Variants in BNC2 observed in about 807,000 individuals in gnomAD.
BNC2 encodes the protein zinc finger protein basonuclin-2.
In BNC2, 20 loss-of-function variants were observed where a neutral mutation model predicts 76.3. The ratio of observed to expected loss-of-function variants is 0.26; its 90% CI spans 0.18 to 0.38. The LOEUF is 0.38. Ranked by LOEUF, BNC2 falls within the 10% of genes least tolerant of loss-of-function variation. The pLI is 1.00. For synonymous variants in BNC2, 582 were observed against 514.8 expected (o/e 1.13, Z -1.77); for missense variants, 1,382 against 1,399.8 (o/e 0.99, Z 0.20).
At chr9:16,543,963 A>AG (rs1040239888) in intron 5 of BNC2, among the ~76,000 whole-genome samples, 2 of 152,202 alleles carry the variant, frequency 1.3e-5, no homozygotes, top group Non-Finnish European at 2.9e-5. Context: ...TGCCAAAGAC[A>AG]GGGGGATCCT....
intron 1 of BNC2, among the ~76,000 whole-genome samples, chr9:16,816,434 T>C (rs1212355585): frequency 6.6e-6 from 1 of 152,164 alleles, no homozygotes; most frequent in Non-Finnish European, 1.5e-5. Flanking sequence ...TTCTGCGCTG[T>C]TAAATACCAA....
chr9:16,816,032 T>G (rs776009119), intron 1 of BNC2, among the ~76,000 whole-genome samples: 1 of 152,104 alleles, frequency 6.6e-6, no homozygotes, highest in Non-Finnish European at 1.5e-5. Context: ...GCCCCTTGTG[T>G]TTATTTATTA....
chr9:16,436,341 A>G lies in BNC2; in HGVS notation c.1853T>C (p.Met618Thr). Reference protein sequence around the residue: ...PSEPVVPAVMMATHEPSADLA... With the variant: ...PSEPVVPAVMTATHEPSADLA... ...GTCAGCACTGGGCTCATGGGTGGCC[A>G]TCATCACTGCTGGCACTACTGGCTC... The change falls in exon 6 of 7, where the codon ATG becomes ACG. Residue 618 changes from methionine (M) to threonine (T), a missense_variant. By Grantham distance (81) the Met-to-Thr change is moderately conservative. Transcript: ENST00000380672. 1 of 1,614,116 alleles carries G rather than the reference A, an allele frequency of 6.2e-7. No homozygotes were observed. Among genetic ancestry groups the G allele is most frequent in the Non-Finnish European group, 8.5e-7 (1 of 1,180,028 alleles).
intron 1 of BNC2, among the ~76,000 whole-genome samples, chr9:16,824,587 G>A (rs991409366): frequency 6.6e-6 from 1 of 152,130 alleles, no homozygotes; most frequent in African/African-American, 2.4e-5. Flanking sequence ...AGTGATGACT[G>A]AGAGGCCCCC....
chr9:16,660,430 G>C (rs1301094355), intron 3 of BNC2, among the ~76,000 whole-genome samples: 5 of 151,354 alleles, frequency 3.3e-5, no homozygotes, highest in Non-Finnish European at 5.9e-5. Flanking sequence ...CTCCAGACTG[G>C]GCCATAAGAG....
chr9:16,794,387 G>C (rs972395368), intron 1 of BNC2, among the ~76,000 whole-genome samples: 1 of 152,184 alleles, frequency 6.6e-6, no homozygotes, highest in South Asian at 2.1e-4. Flanking sequence ...TCTCCTGTCT[G>C]TTCATTAAGA....
intron 4 of BNC2, among the ~76,000 whole-genome samples, chr9:16,566,815 G>GGATTATTT (rs1414653579): frequency 6.6e-6 from 1 of 152,038 alleles, no homozygotes; most frequent in Non-Finnish European, 1.5e-5. Context: ...TATAAAGACA[G>GGATTATTT]GATTATTTTT....
At chr9:16,831,530 T>C (rs1004547232) in intron 1 of BNC2, among the ~76,000 whole-genome samples, 1 of 152,208 alleles carries the variant, frequency 6.6e-6, no homozygotes, top group Non-Finnish European at 1.5e-5. Context: ...TTCAAAATAA[T>C]GGTTTTTCAG....
intron 5 of BNC2, among the ~76,000 whole-genome samples, chr9:16,461,892 G>A (rs1434556866): frequency 2.0e-5 from 3 of 152,200 alleles, no homozygotes; most frequent in Non-Finnish European, 4.4e-5. Context: ...TGTGCATGCA[G>A]TTCACAAATG....
At chr9:16,835,158 G>A (rs950773035) in intron 1 of BNC2, among the ~76,000 whole-genome samples, 1 of 152,204 alleles carries the variant, frequency 6.6e-6, no homozygotes, top group Non-Finnish European at 1.5e-5. Flanking sequence ...CAGATGAGAT[G>A]TTAAGAACAG....
At chr9:16,551,675 C>G (rs1344396510) in intron 5 of BNC2, among the ~76,000 whole-genome samples, 1 of 152,190 alleles carries the variant, frequency 6.6e-6, no homozygotes, top group African/African-American at 2.4e-5. Context: ...CTCTTTGGAT[C>G]CTGGGATCTC....
intron 3 of BNC2, among the ~76,000 whole-genome samples, chr9:16,664,090 C>A (rs748409908): frequency 6.6e-6 from 1 of 152,142 alleles, no homozygotes; most frequent in Non-Finnish European, 1.5e-5. Flanking sequence ...AAATAATAGG[C>A]CTTTATTCCT....
rs189461685 is a variant in BNC2, at chr9:16,414,677, G to C, written c.*4312C>G. 6.6e-6 allele frequency: 1 copy of C among 152,194 alleles called. No homozygotes were observed. Among genetic ancestry groups the C allele is most frequent in the Non-Finnish European group, 1.5e-5 (1 of 68,034 alleles). 9.4% of individuals were successfully genotyped at this position (152,194 alleles called of 1,614,324 possible). A position where few individuals can be genotyped will look rare whatever the true frequency, so the allele number is the denominator to read the frequency against. ...AATCTAACCCAATGCTAACAGACCA[G>C]ATACAAGTTAGGACTGCTCAGGTCA... On this transcript the variant is annotated 3_prime_UTR_variant, in exon 7 of 7. Coordinates refer to ENST00000380672, the MANE Select transcript of BNC2 (RefSeq NM_017637.6).
intron 1 of BNC2, among the ~76,000 whole-genome samples, chr9:16,761,885 T>C (rs772972062): frequency 1.3e-5 from 2 of 152,134 alleles, no homozygotes; most frequent in Admixed American, 1.3e-4. Context: ...GCTACCAAGT[T>C]ACATGTAAAT....
chr9:16,538,875 T>C (rs566969796), intron 5 of BNC2, among the ~76,000 whole-genome samples: 42 of 152,364 alleles, frequency 2.8e-4, no homozygotes, highest in African/African-American at 7.5e-4. Context: ...TCTATTTACA[T>C]ATAATTAATG....
intron 1 of BNC2, among the ~76,000 whole-genome samples, chr9:16,849,668 A>G (rs1819079551): frequency 6.6e-6 from 1 of 152,062 alleles, no homozygotes; most frequent in Non-Finnish European, 1.5e-5. Flanking sequence ...CCCATGCAAA[A>G]TTTGCATTTT....
At chr9:16,576,533 T>C (rs1819490472) in intron 4 of BNC2, among the ~76,000 whole-genome samples, 1 of 152,204 alleles carries the variant, frequency 6.6e-6, no homozygotes, top group Non-Finnish European at 1.5e-5. Context: ...CTTTCACAGA[T>C]ATTTAGACAA....
chr9:16,813,725 C>A (rs1416057162), intron 1 of BNC2, among the ~76,000 whole-genome samples: 1 of 152,102 alleles, frequency 6.6e-6, no homozygotes, highest in Admixed American at 6.5e-5. Context: ...CTTGCAAGAG[C>A]TTTGGTTGAA....
In BNC2 at chr9:16,786,637, G is replaced by A. The variant is rs141059263; in HGVS notation, c.4-48152C>T. Among the ~76,000 whole-genome samples the A allele has an allele frequency of 2.2e-4, 34 of 152,304 alleles. 1 individual carries two copies. In the East Asian group the frequency reaches 5.6e-3, roughly 25 times the overall value. ...CCATGAGAATGCATGCATGGGGCAA[G>A]CAAATTTCGTCAGAACTCCCTCTCT... On this transcript the variant is annotated intron_variant, in intron 1 of 6. Transcript: ENST00000380672.
Sources: allele counts gnomAD v4.1 joint callset (sites outside exome capture counted in the v4.1 genomes callset), GRCh38; gene constraint gnomAD v4.1.1; transcripts MANE v1.5; gene names NCBI Gene and HGNC (gene_info 2026-07-23, HGNC 2026-07-21).